The following COMMD10 variants were observed in gnomAD, a reference collection of about 807,000 sequenced individuals.
COMMD10 encodes COMM domain-containing protein 10.
Under a neutral mutation model 28.9 loss-of-function variants are expected in COMMD10, and 33 were observed. The observed-to-expected ratio is 1.14, with a 90% CI of 0.87 to 1.53. The LOEUF (loss-of-function observed/expected upper bound fraction) is 1.53, where lower values mean the gene tolerates loss of function less well. COMMD10 is among the 40% of genes most tolerant of loss of function. COMMD10 has a pLI of 0.00. For synonymous variants in COMMD10, 110 were observed against 81.7 expected, an observed-to-expected ratio of 1.35 and a Z score of -1.87; for missense variants, 310 against 233.4, an observed-to-expected ratio of 1.33 and a Z score of -2.14.
In COMMD10 at chr5:116,292,489, A is replaced by G. The variant is rs781732166; in HGVS notation, c.609A>G (p.Ter203TrpextTer19). The G allele has an allele frequency of 6.3e-7, 1 of 1,577,204 alleles. No individual in the cohort carries two copies. The highest frequency in any genetic ancestry group is 8.6e-7 in the Non-Finnish European group (1 of 1,161,044). ...AAGCACAGCTGGATTCCCTTACATG[A>G]TGTTTTCGAAGACTGTTTTTTTCAT... ...TIQAQLDSLT[*>W] Residue 203 changes from the stop codon to tryptophan, a stop_lost, in exon 7 of 7, where the codon TGA (stop) becomes TGG (tryptophan). Coordinates refer to ENST00000274458, the MANE Select transcript of COMMD10 (RefSeq NM_016144.4).
intron 5 of COMMD10, among the ~76,000 whole-genome samples, chr5:116,283,162 C>T (rs1751119887): frequency 6.6e-6 from 1 of 151,832 alleles, no homozygotes; most frequent in Admixed American, 6.6e-5. Context: ...GCAGATGACT[C>T]AGTAAAAATC....
chr5:116,147,828 C>G (rs999235154), intron 5 of COMMD10, among the ~76,000 whole-genome samples: 2 of 151,820 alleles, frequency 1.3e-5, no homozygotes, highest in Non-Finnish European at 1.5e-5. Flanking sequence ...ACCTAGAATC[C>G]TACCTAGAGG....
intron 4 of COMMD10, among the ~76,000 whole-genome samples, chr5:116,100,047 T>C (rs1407498430): frequency 1.3e-5 from 2 of 152,194 alleles, no homozygotes; most frequent in African/African-American, 4.8e-5. Context: ...AGCCTGAAGG[T>C]AATCTTACAC....
intron 5 of COMMD10, among the ~76,000 whole-genome samples, chr5:116,179,330 G>A (rs1233844234): frequency 6.6e-6 from 1 of 152,122 alleles, no homozygotes; most frequent in East Asian, 1.9e-4. Context: ...GGAAACAAAA[G>A]TCTGGACTAG....
At chr5:116,160,138 A>T (rs1752869722) in intron 5 of COMMD10, among the ~76,000 whole-genome samples, 2 of 152,196 alleles carry the variant, frequency 1.3e-5, no homozygotes, top group Non-Finnish European at 2.9e-5. Flanking sequence ...CTCCTTTACT[A>T]GACCCTTGAA....
At chr5:116,135,597 G>A (rs1021350747) in intron 5 of COMMD10, among the ~76,000 whole-genome samples, 34 of 152,276 alleles carry the variant, frequency 2.2e-4, no homozygotes, top group Admixed American at 6.5e-4. Flanking sequence ...TGAAATAGGT[G>A]AGTACAGTAC....
At position 116,087,566 on chromosome 5, in the gene COMMD10, T is replaced by C. The variant is rs1299945792; in HGVS notation, c.111T>C (p.Ile37=). 1 of 1,610,088 alleles carries C rather than the reference T, an allele frequency of 6.2e-7. No individual in the cohort carries two copies. The highest frequency in any genetic ancestry group is 8.5e-7 in the Non-Finnish European group (1 of 1,176,370). Residue 37 remains isoleucine (I), a synonymous_variant, in exon 2 of 7, where the codon ATT becomes ATC. Transcript: ENST00000274458. ...GATTTCCACGGTTGCTCACTCGGAT[T>C]CTTCAAAAACTTCACCTGAAGGTTT... ...TGRFPRLLTR[I]LQKLHLKAES...
chr5:116,267,511 T>C (rs1561400437), intron 5 of COMMD10, among the ~76,000 whole-genome samples: 1 of 151,782 alleles, frequency 6.6e-6, no homozygotes, highest in Non-Finnish European at 1.5e-5. Context: ...ATCATGAAAA[T>C]GGCCATACTG....
chr5:116,286,296 T>G (rs1751215978), intron 5 of COMMD10, among the ~76,000 whole-genome samples: 1 of 149,570 alleles, frequency 6.7e-6, no homozygotes. Flanking sequence ...TTTATTGATC[T>G]TTTTAAAAAA....
intron 5 of COMMD10, among the ~76,000 whole-genome samples, chr5:116,278,473 A>C (rs1165760704): frequency 6.6e-6 from 1 of 151,816 alleles, no homozygotes; most frequent in African/African-American, 2.4e-5. Context: ...AAGAGGAAGG[A>C]AAATATAGTG....
intron 5 of COMMD10, among the ~76,000 whole-genome samples, chr5:116,205,210 A>T (rs1748781636): frequency 6.6e-6 from 1 of 152,208 alleles, no homozygotes; most frequent in Non-Finnish European, 1.5e-5. Flanking sequence ...AAGTGAAAAC[A>T]TTCCTTAAAC....
intron 4 of COMMD10, among the ~76,000 whole-genome samples, chr5:116,125,296 C>T (rs1751585472): frequency 6.6e-6 from 1 of 152,124 alleles, no homozygotes; most frequent in African/African-American, 2.4e-5. Context: ...TTTTATTTCT[C>T]CTTCACATAT....
chr5:116,273,673 C>G (rs146563769), intron 5 of COMMD10, among the ~76,000 whole-genome samples: 1 of 151,626 alleles, frequency 6.6e-6, no homozygotes, highest in African/African-American at 2.4e-5. Flanking sequence ...TCATTTCAGG[C>G]AAAGACCAAT....
At chr5:116,254,317 A>C (rs1750214708) in intron 5 of COMMD10, among the ~76,000 whole-genome samples, 2 of 151,658 alleles carry the variant, frequency 1.3e-5, no homozygotes, top group Admixed American at 6.6e-5. Context: ...CTCTGATCTT[A>C]GTTATTTCTT....
At chr5:116,276,862 G>A (rs192290984) in intron 5 of COMMD10, among the ~76,000 whole-genome samples, 2 of 151,820 alleles carry the variant, frequency 1.3e-5, no homozygotes, top group Non-Finnish European at 2.9e-5. Flanking sequence ...CGGGAGAGGA[G>A]GGAGCAGGGG....
chr5:116,091,022 A>C, intron 2 of COMMD10, 57 bp from the exon 3 acceptor site: 1 of 1,007,030 alleles, frequency 9.9e-7, no homozygotes, highest in East Asian at 2.5e-5. Context: ...TCTGTCAAGT[A>C]TGAATTTTGA....
intron 4 of COMMD10, among the ~76,000 whole-genome samples, chr5:116,112,995 C>T (rs1751106599): frequency 2.0e-5 from 3 of 152,036 alleles, no homozygotes; most frequent in Admixed American, 1.3e-4. Flanking sequence ...TGAGCATTTC[C>T]TGTAGGACTG....
At chr5:116,128,414 T>G (rs1273922335) in intron 4 of COMMD10, among the ~76,000 whole-genome samples, 1 of 152,014 alleles carries the variant, frequency 6.6e-6, no homozygotes, top group Non-Finnish European at 1.5e-5. Flanking sequence ...CATTAAAGTG[T>G]AAGGACCCTC....
At chr5:116,124,199 G>C (rs2112756552) in intron 4 of COMMD10, among the ~76,000 whole-genome samples, 1 of 152,030 alleles carries the variant, frequency 6.6e-6, no homozygotes, top group Admixed American at 6.5e-5. Flanking sequence ...TTCTCTTGTG[G>C]GCATTTAGTG....
Sources: allele counts gnomAD v4.1 joint callset (sites outside exome capture counted in the v4.1 genomes callset), GRCh38; gene constraint gnomAD v4.1.1; transcripts MANE v1.5; gene names NCBI Gene and HGNC (gene_info 2026-07-23, HGNC 2026-07-21).